Variants in TBC1D1 observed in about 807,000 individuals in gnomAD.
TBC1D1 encodes the protein TBC1 (tre-2/USP6, BUB2, cdc16) domain family, member 1.
TBC1D1 carries 89 observed loss-of-function variants against 125.6 expected under a neutral mutation model. The observed-to-expected ratio is 0.71, with a 90% CI of 0.60 to 0.85. The LOEUF (loss-of-function observed/expected upper bound fraction) is 0.85, where lower values mean the gene tolerates loss of function less well. Ranked by LOEUF, TBC1D1 falls within the 40% of genes least tolerant of loss-of-function variation. The pLI is 0.00. For missense variants in TBC1D1, 1,377 were observed against 1,469.2 expected (o/e 0.94, Z 1.03); for synonymous variants, 565 against 564.1 (o/e 1.00, Z -0.02).
rs148175813 is a variant in TBC1D1 at position 37,952,069 on chromosome 4, G to T, written c.417+49557G>T. ...CGGAGAAGGTGAGGAAGAAAGCCCT[G>T]CCTGGAAAGCAACAGTGAACCACCA... On this transcript the variant is annotated intron_variant, in intron 2 of 19. Transcript: ENST00000261439. 3.5e-4 allele frequency: 253 copies of T among 717,544 alleles called. 1 individual carries two copies. The African/African-American group carries it at 3.9e-3, about 11-fold the overall frequency. The allele number at this position is 717,544 out of a possible 1,614,324, so 44.4% of individuals were successfully genotyped here.
chr4:37,956,820 T>C (rs1332196155), intron 2 of TBC1D1, among the ~76,000 whole-genome samples: 1 of 151,870 alleles, frequency 6.6e-6, no homozygotes, highest in Non-Finnish European at 1.5e-5. Context: ...ACACCTGTAG[T>C]CCCAGTTACT....
intron 2 of TBC1D1, among the ~76,000 whole-genome samples, chr4:38,012,783 C>G (rs1363570018): frequency 1.3e-5 from 2 of 152,006 alleles, no homozygotes; most frequent in Non-Finnish European, 2.9e-5. Context: ...GATGCTTGAC[C>G]TGTTGAAATT....
At chr4:38,096,388 C>G (rs946150841) in intron 14 of TBC1D1, among the ~76,000 whole-genome samples, 4 of 152,192 alleles carry the variant, frequency 2.6e-5, no homozygotes, top group Admixed American at 6.5e-5. Context: ...AAATTATAAA[C>G]TAGAAACTAA....
At chr4:37,988,697 C>T (rs1735938802) in intron 2 of TBC1D1, among the ~76,000 whole-genome samples, 1 of 152,142 alleles carries the variant, frequency 6.6e-6, no homozygotes, top group Non-Finnish European at 1.5e-5. Context: ...AAGATCCAAA[C>T]AGAGCTCTTT....
intron 12 of TBC1D1, among the ~76,000 whole-genome samples, chr4:38,065,644 C>CT (rs11447003): frequency 0.27 from 32,176 of 119,586 alleles, 6,269 homozygotes; most frequent in African/African-American, 0.48. Context: ...GTATTACCGC[C>CT]TTTTTTTTTT....
intron 3 of TBC1D1, 63 bp from the exon 4 acceptor site, chr4:38,018,291 T>C (rs1239679474): frequency 3.2e-5 from 39 of 1,234,244 alleles, no homozygotes; most frequent in Non-Finnish European, 4.5e-5. Flanking sequence ...TTTTATTCTT[T>C]ATTTTCATAG....
At chr4:37,911,131 C>CT (rs71658745) in intron 2 of TBC1D1, among the ~76,000 whole-genome samples, 2,867 of 94,740 alleles carry the variant, frequency 0.03, 39 homozygotes, top group African/African-American at 0.042. Context: ...TCCCCTCCTC[C>CT]TTTTTTTTTT....
chr4:38,032,749 G>C (rs1328928074), intron 7 of TBC1D1, among the ~76,000 whole-genome samples: 1 of 151,366 alleles, frequency 6.6e-6, no homozygotes, highest in Admixed American at 6.6e-5. Context: ...GCAGGAGAAT[G>C]GCGTGAACCT....
At chr4:38,099,510 G>C (rs986282366) in intron 14 of TBC1D1, among the ~76,000 whole-genome samples, 1 of 152,202 alleles carries the variant, frequency 6.6e-6, no homozygotes, top group Non-Finnish European at 1.5e-5. Flanking sequence ...ACTGTCAAAA[G>C]CTTCCTGCTT....
At chr4:38,013,195 T>C (rs1369514162) in intron 2 of TBC1D1, among the ~76,000 whole-genome samples, 1 of 152,098 alleles carries the variant, frequency 6.6e-6, no homozygotes, top group Non-Finnish European at 1.5e-5. Context: ...ATAAAATACC[T>C]TGAAAGAATA....
At chr4:38,129,573 C>A (rs1224321893) in intron 18 of TBC1D1, among the ~76,000 whole-genome samples, 1 of 152,068 alleles carries the variant, frequency 6.6e-6, no homozygotes, top group East Asian at 1.9e-4. Flanking sequence ...GACAATGGGA[C>A]CAGCAGATTG....
At chr4:37,936,345 T>C (rs1408211406) in intron 2 of TBC1D1, among the ~76,000 whole-genome samples, 1 of 152,194 alleles carries the variant, frequency 6.6e-6, no homozygotes, top group East Asian at 1.9e-4. Context: ...TATCCTATTG[T>C]ACAGTACTGC....
intron 15 of TBC1D1, among the ~76,000 whole-genome samples, chr4:38,109,758 A>C (rs1761929713): frequency 6.6e-6 from 1 of 152,190 alleles, no homozygotes; most frequent in Non-Finnish European, 1.5e-5. Context: ...CACACGTTCT[A>C]GTGGGAAGAC....
chr4:38,046,780 T>A (rs1421943895), intron 10 of TBC1D1, among the ~76,000 whole-genome samples: 1 of 152,240 alleles, frequency 6.6e-6, no homozygotes, highest in African/African-American at 2.4e-5. Flanking sequence ...AGACATTTAA[T>A]CATATTTAAG....
At chr4:37,921,768 T>C (rs1008197527) in intron 2 of TBC1D1, among the ~76,000 whole-genome samples, 1 of 151,770 alleles carries the variant, frequency 6.6e-6, no homozygotes, top group Non-Finnish European at 1.5e-5. Flanking sequence ...GTGTCATGAG[T>C]TACAAGTGGC....
At chr4:37,947,274 A>C (rs983876325) in intron 2 of TBC1D1, among the ~76,000 whole-genome samples, 1 of 152,182 alleles carries the variant, frequency 6.6e-6, no homozygotes, top group Non-Finnish European at 1.5e-5. Flanking sequence ...CTCCTGCCTC[A>C]GCCTCCTGAA....
At chr4:37,987,674 G>C (rs1175098367) in intron 2 of TBC1D1, among the ~76,000 whole-genome samples, 3 of 152,198 alleles carry the variant, frequency 2.0e-5, no homozygotes, top group African/African-American at 7.2e-5. Flanking sequence ...CAGGAAATAA[G>C]AGAAAAATCA....
chr4:38,127,317 T>C (rs898882095), intron 18 of TBC1D1, among the ~76,000 whole-genome samples: 1 of 152,014 alleles, frequency 6.6e-6, no homozygotes, highest in East Asian at 1.9e-4. Flanking sequence ...TAGCTGTGCG[T>C]GTACCTGGTT....
intron 13 of TBC1D1, 104 bp downstream of exon 15, chr4:38,090,221 A>G (rs998382573): frequency 1.8e-5 from 19 of 1,067,108 alleles, no homozygotes; most frequent in Non-Finnish European, 2.5e-5. Flanking sequence ...GCAGCACGAT[A>G]GTCTAATGTA....
Sources: gnomAD v4.1 joint callset for allele counts (sites outside exome capture counted in the v4.1 genomes callset) on GRCh38, gnomAD v4.1.1 for gene constraint, MANE v1.5 for transcripts, NCBI Gene and HGNC (gene_info 2026-07-23, HGNC 2026-07-21) for gene names.